The following MBD5 variants were observed in gnomAD, a reference collection of about 807,000 sequenced individuals.
MBD5 encodes methyl-CpG binding domain protein 5.
In MBD5, 13 loss-of-function variants were observed where a neutral mutation model predicts 117.3. The observed-to-expected ratio is 0.11, with a 90% confidence interval of 0.07 to 0.18. The LOEUF is 0.18. Among genes scored for constraint, MBD5 ranks in the 10% least tolerant of loss-of-function variants. MBD5 has a pLI of 1.00. For synonymous variants in MBD5, 727 were observed against 766.4 expected, an observed-to-expected ratio of 0.95 and a Z score of 0.85; for missense variants, 1,879 against 2,093.8, an observed-to-expected ratio of 0.90 and a Z score of 2.00.
intron 2 of MBD5, among the ~76,000 whole-genome samples, chr2:148,228,421 T>A (rs1699893588): frequency 6.6e-6 from 1 of 152,342 alleles, no homozygotes; most frequent in African/African-American, 2.4e-5. Flanking sequence ...GTTTATTGAT[T>A]TTCGTATGAT....
At chr2:148,302,783 C>T (rs994270051) in intron 3 of MBD5, among the ~76,000 whole-genome samples, 4 of 150,038 alleles carry the variant, frequency 2.7e-5, no homozygotes, top group Non-Finnish European at 5.9e-5. Flanking sequence ...ATGTACACCA[C>T]CCTACCTGGC....
chr2:148,477,193 T>C lies in MBD5; in HGVS notation c.2519-5917T>C, dbSNP rs1241279810. 2.0e-5 allele frequency among the ~76,000 whole-genome samples: 3 copies of C among 152,252 alleles called. No homozygotes were observed. The East Asian group carries it at 5.8e-4, about 29-fold the overall frequency. On this transcript the variant is annotated intron_variant, in intron 8 of 13. Transcript: ENST00000642680. Reference sequence around the variant, plus strand: ...CACGAGACTGAAAAGACTGATCCCCTTGATAGTCATAACTACACAGACATC... The same window carrying C: ...CACGAGACTGAAAAGACTGATCCCCCTGATAGTCATAACTACACAGACATC...
At chr2:148,035,862 T>C (rs1467700867) in intron 1 of MBD5, among the ~76,000 whole-genome samples, 1 of 152,148 alleles carries the variant, frequency 6.6e-6, no homozygotes, top group Non-Finnish European at 1.5e-5. Flanking sequence ...TAATCAATGC[T>C]TTAGATATAT....
At chr2:148,395,914 T>A (rs139511860) in intron 4 of MBD5, among the ~76,000 whole-genome samples, 32 of 152,282 alleles carry the variant, frequency 2.1e-4, no homozygotes, top group African/African-American at 7.5e-4. Flanking sequence ...GCCCTCCAGT[T>A]CTTATACATT....
intron 11 of MBD5, among the ~76,000 whole-genome samples, chr2:148,491,325 A>C (rs1239274037): frequency 1.3e-5 from 2 of 150,888 alleles, no homozygotes; most frequent in East Asian, 3.9e-4. Context: ...CGGCCTTTAC[A>C]ATAATGGTGG....
intron 8 of MBD5, among the ~76,000 whole-genome samples, chr2:148,477,485 T>G (rs1474909467): frequency 1.3e-5 from 2 of 152,188 alleles, no homozygotes; most frequent in Non-Finnish European, 2.9e-5. Context: ...AGATAGAGAT[T>G]TGATATGTTT....
At chr2:148,464,272 A>G (rs527941352) in intron 7 of MBD5, among the ~76,000 whole-genome samples, 1 of 152,254 alleles carries the variant, frequency 6.6e-6, no homozygotes, top group Admixed American at 6.6e-5. Flanking sequence ...TGTGGTATCA[A>G]GTCCCCAAAA....
chr2:148,041,228 G>A (rs1211602763), intron 1 of MBD5: 4 of 152,236 alleles, frequency 2.6e-5, no homozygotes, highest in African/African-American at 7.2e-5. Flanking sequence ...CCAGTTCAGC[G>A]GGAGTTGGAG....
intron 1 of MBD5, among the ~76,000 whole-genome samples, chr2:148,028,998 A>G (rs1693971569): frequency 6.6e-6 from 1 of 152,136 alleles, no homozygotes; most frequent in Non-Finnish European, 1.5e-5. Context: ...ATTAGAATGC[A>G]GGCCAGAGCC....
intron 1 of MBD5, among the ~76,000 whole-genome samples, chr2:148,073,371 A>G (rs1305583278): frequency 1.3e-5 from 2 of 152,128 alleles, no homozygotes; most frequent in African/African-American, 4.8e-5. Context: ...ATATTAATAT[A>G]AGGGGTGGTT....
chr2:148,182,244 T>G (rs1011959529), intron 2 of MBD5, among the ~76,000 whole-genome samples: 20 of 152,286 alleles, frequency 1.3e-4, no homozygotes, highest in Non-Finnish European at 2.5e-4. Context: ...TAAATAGCTA[T>G]TGAACCTTAA....
At chr2:148,330,503 G>A (rs758118045) in intron 3 of MBD5, 2 of 152,090 alleles carry the variant, frequency 1.3e-5, no homozygotes, top group African/African-American at 2.4e-5. Context: ...GGATACTCAG[G>A]CTATATGACC....
intron 3 of MBD5, among the ~76,000 whole-genome samples, chr2:148,269,977 A>G (rs1444682647): frequency 9.2e-5 from 14 of 152,014 alleles, no homozygotes; most frequent in Admixed American, 9.2e-4. Context: ...TTTAATTTCC[A>G]AGACCTCTTT....
At chr2:148,137,653 C>T (rs530448124) in intron 1 of MBD5, among the ~76,000 whole-genome samples, 1 of 152,298 alleles carries the variant, frequency 6.6e-6, no homozygotes, top group East Asian at 1.9e-4. Context: ...TAAACTTTAC[C>T]TCATAGGATG....
intron 4 of MBD5, among the ~76,000 whole-genome samples, chr2:148,434,400 C>A (rs1706092707): frequency 6.6e-6 from 1 of 151,624 alleles, no homozygotes. Context: ...TTTGTTATTT[C>A]TTGTCTTTTG....
intron 1 of MBD5, among the ~76,000 whole-genome samples, chr2:148,059,861 A>G (rs1334183340): frequency 6.6e-6 from 1 of 151,084 alleles, no homozygotes; most frequent in East Asian, 1.9e-4. Flanking sequence ...AAAAAAAAAG[A>G]CAAAGGAAAT....
At chr2:148,493,815 C>T (rs1487504186) in intron 11 of MBD5, among the ~76,000 whole-genome samples, 2 of 152,038 alleles carry the variant, frequency 1.3e-5, no homozygotes, top group Non-Finnish European at 1.5e-5. Flanking sequence ...TTTTAGACAT[C>T]GAATACTGTA....
intron 1 of MBD5, among the ~76,000 whole-genome samples, chr2:148,065,030 C>A (rs1051663142): frequency 6.6e-6 from 1 of 152,046 alleles, no homozygotes; most frequent in African/African-American, 2.4e-5. Context: ...AGATTCTTCC[C>A]TGCTTTGGAG....
At chr2:148,283,389 A>T (rs1431483247) in intron 3 of MBD5, among the ~76,000 whole-genome samples, 1 of 152,128 alleles carries the variant, frequency 6.6e-6, no homozygotes, top group Admixed American at 6.5e-5. Context: ...GTAGATCTAC[A>T]TTATCTGGTA....
Sources: gnomAD v4.1 joint callset for allele counts (sites outside exome capture counted in the v4.1 genomes callset) on GRCh38, gnomAD v4.1.1 for gene constraint, MANE v1.5 for transcripts, NCBI Gene and HGNC (gene_info 2026-07-23, HGNC 2026-07-21) for gene names.